The following TNNT2 variants were observed in gnomAD, a reference collection of about 807,000 sequenced individuals.
The protein encoded by TNNT2 is troponin T, cardiac muscle.
In TNNT2, 34 loss-of-function variants were observed where a neutral mutation model predicts 62.4. The observed-to-expected ratio is 0.54, with a 90% CI of 0.41 to 0.72. TNNT2 has a LOEUF of 0.72. Ranked by LOEUF, TNNT2 falls within the 30% of genes least tolerant of loss-of-function variation. TNNT2 has a pLI of 0.00. For synonymous variants in TNNT2, 123 were observed against 127.2 expected (o/e 0.97, Z 0.22); for missense variants, 275 against 381.9 (o/e 0.72, Z 2.33).
At chr1:201,374,443 T>A (rs1242470355) in intron 1 of TNNT2, 3 of 152,202 alleles carry the variant, frequency 2.0e-5, no homozygotes, top group East Asian at 1.9e-4. Flanking sequence ...AGTGTACACA[T>A]CCTGGCTACT....
chr1:201,372,001 G>T (rs1660676180), intron 4 of TNNT2, 26 bp downstream of exon 4: 1 of 1,613,888 alleles, frequency 6.2e-7, no homozygotes, highest in Non-Finnish European at 8.5e-7. Context: ...CCCCTTTCTG[G>T]CTCTCCACCT....
At chr1:201,366,115 A>AG (rs34554233) in intron 8 of TNNT2, 1 of 1,086,758 alleles carries the variant, frequency 9.2e-7, no homozygotes, top group Admixed American at 4.6e-5. Context: ...ACTGAGACCC[A>AG]GGGGGTTCTC....
intron 11 of TNNT2, 74 bp downstream of exon 11, chr1:201,364,222 TAG>T (rs1423934039): frequency 7.0e-7 from 1 of 1,437,300 alleles, no homozygotes; most frequent in Non-Finnish European, 9.6e-7. Context: ...TGTTGATGAA[TAG>T]AGAGGGGCCT....
intron 2 of TNNT2, 37 bp from the exon 3 acceptor site, chr1:201,372,192 A>T (rs1221247406): frequency 6.2e-7 from 1 of 1,613,980 alleles, no homozygotes; most frequent in Admixed American, 1.7e-5. Context: ...TAGCTCGCAC[A>T]CAAGCACATG....
At chr1:201,359,331 G>C (rs1658159626) in intron 16 of TNNT2, 76 bp from the exon 17 acceptor site, 1 of 1,556,888 alleles carries the variant, frequency 6.4e-7, no homozygotes, top group Non-Finnish European at 8.7e-7. Flanking sequence ...GGGTAGGACT[G>C]GGGTGCCAAA....
intron 8 of TNNT2, chr1:201,366,444 G>T: frequency 8.9e-7 from 1 of 1,121,824 alleles, no homozygotes; most frequent in Non-Finnish European, 1.1e-6. Context: ...GCTCTCTGAA[G>T]CCGCCATGCC....
At chr1:201,376,297 G>T (rs1477495864) in intron 1 of TNNT2, among the ~76,000 whole-genome samples, 1 of 152,174 alleles carries the variant, frequency 6.6e-6, no homozygotes, top group Non-Finnish European at 1.5e-5. Flanking sequence ...CCCAGATTTT[G>T]CTGTGTGGCC....
chr1:201,366,159 G>A, intron 8 of TNNT2: 15 of 1,059,246 alleles, frequency 1.4e-5, no homozygotes, highest in Non-Finnish European at 1.7e-5. Flanking sequence ...CCTCAGGTGT[G>A]TGGAGCTGAA....
chr1:201,360,883 A>C lies in TNNT2; in HGVS notation c.810+396T>G. 5.8e-6 allele frequency: 2 copies of C among 342,144 alleles called. 1 individual carries two copies. Among genetic ancestry groups the C allele is most frequent in the South Asian group, 5.0e-5 (2 of 40,330 alleles). The allele number at this position is 342,144 out of a possible 1,614,324, so 21.2% of individuals were successfully genotyped here. On this transcript the variant is annotated intron_variant, in intron 15 of 16. Transcript: ENST00000656932. ...CTTGAGGCTCAGCCTAATTGTGCCCACACCAGGACCTTGGGTGTATGTGGG... is the reference window on the plus strand; with the variant it reads ...CTTGAGGCTCAGCCTAATTGTGCCCCCACCAGGACCTTGGGTGTATGTGGG...
In TNNT2 at chr1:201,359,041, G is replaced by A; in HGVS notation, c.*169C>T. On this transcript the variant is annotated 3_prime_UTR_variant, in exon 17 of 17. Coordinates refer to ENST00000656932, the MANE Select transcript of TNNT2 (RefSeq NM_001276345.2). The stretch of plus-strand genomic sequence containing the variant: ...AGTGTGTGGTGGCTTTTTATTACTG[G>A]TGTGGAGTGGGTGTGGGGGCAGGCA... 2 of 756,356 alleles carry A rather than the reference G, an allele frequency of 2.6e-6. No individual in the cohort carries two copies. Among genetic ancestry groups the A allele is most frequent in the Non-Finnish European group, 2.3e-6 (1 of 436,748 alleles). 46.9% of individuals were successfully genotyped at this position (756,356 alleles called of 1,614,324 possible).
At chr1:201,372,225 C>T in intron 2 of TNNT2, 70 bp from the exon 3 acceptor site, 34 of 1,604,570 alleles carry the variant, frequency 2.1e-5, no homozygotes, top group Non-Finnish European at 2.9e-5. Context: ...CCTGCACACA[C>T]ATGCACACAC....
intron 5 of TNNT2, among the ~76,000 whole-genome samples, chr1:201,369,027 G>A (rs1230805554): frequency 6.6e-6 from 1 of 152,130 alleles, no homozygotes; most frequent in Non-Finnish European, 1.5e-5. Context: ...GATCCTTCTA[G>A]AAAGTGTGAA....
intron 13 of TNNT2, 131 bp downstream of exon 13, chr1:201,362,255 C>G: frequency 6.8e-7 from 1 of 1,466,236 alleles, no homozygotes; most frequent in Non-Finnish European, 9.3e-7. Flanking sequence ...TCTCTTTCAC[C>G]TCTCACCAGC....
chr1:201,367,383 G>C (rs1367125112), intron 7 of TNNT2: 1 of 407,122 alleles, frequency 2.5e-6, no homozygotes, highest in Non-Finnish European at 4.6e-6. Context: ...GCAGCATGAC[G>C]ATGACTGCAG....
chr1:201,370,243 G>T (rs1004709240), intron 4 of TNNT2, among the ~76,000 whole-genome samples: 2 of 152,150 alleles, frequency 1.3e-5, no homozygotes, highest in African/African-American at 4.8e-5. Flanking sequence ...AGAGAGTGGG[G>T]GACAATTCTC....
At position 201,361,045 on chromosome 1, in the gene TNNT2, A is replaced by G. The variant is rs567988741; in HGVS notation, c.810+234T>C. The G allele has an allele frequency of 3.6e-4, 218 of 600,940 alleles. 1 individual carries two copies. The highest frequency in any genetic ancestry group is 2.3e-3 in the Middle Eastern group (5 of 2,130). The allele number at this position is 600,940 out of a possible 1,614,324, so 37.2% of individuals were successfully genotyped here. A position where few individuals can be genotyped will look rare whatever the true frequency, so the allele number is the denominator to read the frequency against. ...AGACCCCCAGGGTTGGAACACCAGG[A>G]AAGTGTCTCTGCTCAGCCCCAGCGA... is the stretch of plus-strand genomic sequence containing the variant. On this transcript the variant is annotated intron_variant, in intron 15 of 16. Coordinates refer to ENST00000656932, the MANE Select transcript of TNNT2 (RefSeq NM_001276345.2).
intron 11 of TNNT2, chr1:201,363,650 A>G (rs1385759545): frequency 7.7e-6 from 4 of 516,950 alleles, no homozygotes. Context: ...TTAAGCTGGG[A>G]GTGCCCCTGG....
chr1:201,362,623 G>C (rs1031709532), intron 12 of TNNT2, among the ~76,000 whole-genome samples: 2 of 152,194 alleles, frequency 1.3e-5, no homozygotes, highest in Non-Finnish European at 2.9e-5. Flanking sequence ...TGGTCACCAT[G>C]GGGGCAGAGG....
chr1:201,377,427 T>C (rs535295959), intron 1 of TNNT2, among the ~76,000 whole-genome samples, 196 bp downstream of exon 1: 35 of 152,168 alleles, frequency 2.3e-4, no homozygotes, highest in Non-Finnish European at 3.1e-4. Flanking sequence ...ATTCTCTCTT[T>C]CTCTCTGCTC....
Sources: gnomAD v4.1 joint callset for allele counts (sites outside exome capture counted in the v4.1 genomes callset) on GRCh38, gnomAD v4.1.1 for gene constraint, MANE v1.5 for transcripts, NCBI Gene and HGNC (gene_info 2026-07-23, HGNC 2026-07-21) for gene names.